P4HA1: variants seen among roughly 807,000 people sequenced by gnomAD.
The protein encoded by P4HA1 is prolyl 4-hydroxylase subunit alpha 1.
In P4HA1, 24 loss-of-function variants were observed where a neutral mutation model predicts 72.8. That is an observed-to-expected ratio of 0.33 (90% CI 0.24 to 0.46). The LOEUF (loss-of-function observed/expected upper bound fraction) is 0.46, where lower values mean the gene tolerates loss of function less well. Among genes scored for constraint, P4HA1 ranks in the 20% least tolerant of loss-of-function variants. P4HA1 has a pLI of 1.00. For missense variants in P4HA1, 446 were observed against 640.6 expected (o/e 0.70, Z 3.28); for synonymous variants, 201 against 218.8 (o/e 0.92, Z 0.72).
At position 73,053,399 on chromosome 10, in the gene P4HA1, C is replaced by T; in HGVS notation, c.655G>A (p.Gly219Arg). 1 of 1,614,088 alleles carries T rather than the reference C, an allele frequency of 6.2e-7. No homozygotes were observed. The highest frequency in any genetic ancestry group is 8.5e-7 in the Non-Finnish European group (1 of 1,179,950). Residue 219 changes from glycine to arginine, a missense_variant, in exon 6 of 15, where the codon GGA (glycine) becomes AGA (arginine). Transcript: ENST00000394890. ...DYLSYAVYQQGDLDKALLLTK... is the reference protein window; with the variant it reads ...DYLSYAVYQQRDLDKALLLTK... The stretch of plus-strand genomic sequence containing the variant: ...AGCAAAAGTGCCTTATCCAGGTCTC[C>T]CTGCTGATATACCGCATAGCTCAAA...
chr10:73,060,251 C>T (rs1841282168), intron 5 of P4HA1, among the ~76,000 whole-genome samples: 2 of 152,006 alleles, frequency 1.3e-5, no homozygotes, highest in South Asian at 4.1e-4. Context: ...CCTTAGGAAC[C>T]AAATTTTCAG....
rs1165222812 is a variant in P4HA1, at chr10:73,043,950, C to T, written c.1148+1031G>A. On this transcript the variant is annotated intron_variant, in intron 9 of 14. Transcript: ENST00000394890. ...AGTCTCAGGGTCATGTACTGTAGCT[C>T]GGCTCAGCTACAAAAAAAGAGAAAG... 8 of 1,611,130 alleles carry T rather than the reference C, an allele frequency of 5.0e-6. 1 individual carries two copies. Among genetic ancestry groups the T allele is most frequent in the African/African-American group, 1.3e-5 (1 of 74,898 alleles).
In P4HA1 at chr10:73,013,594, C is replaced by T. The variant is rs138585130; in HGVS notation, c.1368+630G>A. Among the ~76,000 whole-genome samples the T allele has an allele frequency of 2.9e-3, 438 of 152,282 alleles. 3 individuals are homozygous for T. The highest frequency in any genetic ancestry group is 5.0e-3 in the Non-Finnish European group (337 of 68,022). On this transcript the variant is annotated intron_variant, in intron 12 of 14. Coordinates refer to ENST00000394890, the MANE Select transcript of P4HA1 (RefSeq NM_001017962.3). ...AGAAAATCGTTGTTATTTTAAACCA[C>T]TCAGAAAGGAGAGTTTTGGAGTGCT...
At chr10:73,071,647 T>C (rs1402146791) in intron 4 of P4HA1, among the ~76,000 whole-genome samples, 1 of 152,030 alleles carries the variant, frequency 6.6e-6, no homozygotes, top group Non-Finnish European at 1.5e-5. Context: ...AAATACTAGA[T>C]AGAACACAGC....
At chr10:73,073,679 A>G (rs1841620909) in intron 3 of P4HA1, 52 bp downstream of exon 3, 1 of 885,372 alleles carries the variant, frequency 1.1e-6, no homozygotes, top group Admixed American at 1.8e-5. Context: ...TAGCTTGAGA[A>G]AGAAAACATC....
At chr10:73,075,553 T>A (rs1452954044) in intron 1 of P4HA1, among the ~76,000 whole-genome samples, 1 of 152,194 alleles carries the variant, frequency 6.6e-6, no homozygotes, top group Non-Finnish European at 1.5e-5. Context: ...GTTTTCTCTG[T>A]GATTTAGACC....
At chr10:73,087,549 A>C (rs1589631753) in intron 1 of P4HA1, among the ~76,000 whole-genome samples, 1 of 152,032 alleles carries the variant, frequency 6.6e-6, no homozygotes, top group African/African-American at 2.4e-5. Context: ...TACAGGCATG[A>C]CCCACCATGC....
chr10:73,050,972 A>G, intron 7 of P4HA1, 81 bp downstream of exon 7: 1 of 1,004,380 alleles, frequency 1.0e-6, no homozygotes, highest in Non-Finnish European at 1.5e-6. Context: ...TTAAATATAA[A>G]ATAACTGATT....
chr10:73,085,998 T>C (rs889638432), intron 1 of P4HA1, among the ~76,000 whole-genome samples: 1 of 152,166 alleles, frequency 6.6e-6, no homozygotes, highest in Non-Finnish European at 1.5e-5. Context: ...TAGTAAGACT[T>C]CATCTCTTTA....
At chr10:73,039,390 T>C (rs754798882) in intron 9 of P4HA1, among the ~76,000 whole-genome samples, 4 of 152,142 alleles carry the variant, frequency 2.6e-5, no homozygotes, top group Non-Finnish European at 5.9e-5. Flanking sequence ...CACTGCAAGC[T>C]CTGCCTCCTG....
chr10:73,021,834 T>G (rs1450943083), intron 10 of P4HA1, among the ~76,000 whole-genome samples: 1 of 152,224 alleles, frequency 6.6e-6, no homozygotes, highest in Non-Finnish European at 1.5e-5. Context: ...GACCAGGAGA[T>G]TCTTTCCTGT....
chr10:73,071,459 G>C (rs1024726792), intron 4 of P4HA1: 1 of 151,912 alleles, frequency 6.6e-6, no homozygotes, highest in African/African-American at 2.4e-5. Flanking sequence ...GGCGGGGGGC[G>C]AGGCATAATC....
intron 10 of P4HA1, among the ~76,000 whole-genome samples, chr10:73,019,687 G>T (rs1280676865): frequency 8.4e-6 from 1 of 119,344 alleles, no homozygotes; most frequent in East Asian, 2.9e-4. Flanking sequence ...CCAAGATCTT[G>T]CCACTGCACT....
intron 10 of P4HA1, among the ~76,000 whole-genome samples, chr10:73,018,142 C>T (rs369494616): frequency 2.5e-3 from 378 of 152,324 alleles, no homozygotes; most frequent in African/African-American, 8.6e-3. Context: ...CACCCCTCCC[C>T]CAACTCCCTG....
rs1052174021 is a variant in P4HA1, at chr10:73,008,628, T to G, written c.1535-336A>C. 5.3e-5 allele frequency among the ~76,000 whole-genome samples: 8 copies of G among 152,134 alleles called. No homozygotes were observed. The East Asian group carries it at 1.5e-3, about 29-fold the overall frequency. On this transcript the variant is annotated intron_variant, in intron 14 of 14. Coordinates refer to ENST00000394890, the MANE Select transcript of P4HA1 (RefSeq NM_001017962.3). ...AATGGACCTAAGATACAGGTACAGGTAAGAGTAGAATATTGCTTTATGTAT... is the reference window on the plus strand; with the variant it reads ...AATGGACCTAAGATACAGGTACAGGGAAGAGTAGAATATTGCTTTATGTAT...
chr10:73,066,058 T>G (rs1033243796), intron 5 of P4HA1, among the ~76,000 whole-genome samples: 10 of 152,284 alleles, frequency 6.6e-5, no homozygotes, highest in Admixed American at 2.6e-4. Flanking sequence ...CGCACCAAGT[T>G]CAGAATAGTC....
intron 1 of P4HA1, among the ~76,000 whole-genome samples, chr10:73,076,856 G>A (rs930264290): frequency 4.6e-5 from 7 of 152,056 alleles, no homozygotes; most frequent in East Asian, 3.8e-4. Context: ...CCTATGTGAC[G>A]TGAGCTAAAC....
At chr10:73,037,278 C>CT (rs369185133) in intron 9 of P4HA1, among the ~76,000 whole-genome samples, 4 of 142,534 alleles carry the variant, frequency 2.8e-5, no homozygotes, top group African/African-American at 1.0e-4. Context: ...CATTTCTATG[C>CT]TTTTTTCCTT....
At position 73,088,668 on chromosome 10, in the gene P4HA1, A is replaced by C. The variant is rs565255134; in HGVS notation, c.-33+8098T>G. Reference sequence around the variant, plus strand: ...CCAATATTCACATAAATTCCTGGGCAAGGGACTGCCCAGTGTCCAACAGTG... The same window carrying C: ...CCAATATTCACATAAATTCCTGGGCCAGGGACTGCCCAGTGTCCAACAGTG... On this transcript the variant is annotated intron_variant, in intron 1 of 14. Coordinates refer to ENST00000394890, the MANE Select transcript of P4HA1 (RefSeq NM_001017962.3). Among the ~76,000 whole-genome samples, 4 of 152,376 alleles carry C rather than the reference A, an allele frequency of 2.6e-5. No homozygotes were observed. In the South Asian group the frequency reaches 8.3e-4, roughly 32 times the overall value.
Sources: gnomAD v4.1 joint callset for allele counts (sites outside exome capture counted in the v4.1 genomes callset) on GRCh38, gnomAD v4.1.1 for gene constraint, MANE v1.5 for transcripts, NCBI Gene and HGNC (gene_info 2026-07-23, HGNC 2026-07-21) for gene names.